SEMA3D: variants seen among roughly 807,000 people sequenced by gnomAD.
The protein encoded by SEMA3D is semaphorin 3D, also known as semaphorin-3D.
Under a neutral mutation model 100.1 loss-of-function variants are expected in SEMA3D, and 84 were observed. The observed-to-expected ratio is 0.84, with a 90% CI of 0.70 to 1.01. SEMA3D has a LOEUF of 1.01. SEMA3D is among the 50% of genes least tolerant of loss of function. The pLI is 0.00. For synonymous variants in SEMA3D, 312 were observed against 320.7 expected, an observed-to-expected ratio of 0.97 and a Z score of 0.29; for missense variants, 875 against 934.1, an observed-to-expected ratio of 0.94 and a Z score of 0.82.
At chr7:85,200,977 C>T in the SEMA3D span, among the ~76,000 whole-genome samples, 1 of 152,208 alleles carries the variant, frequency 6.6e-6, no homozygotes, top group Non-Finnish European at 1.5e-5. Flanking sequence ...AATTTCTCTT[C>T]TCTTTGAATT....
At chr7:85,020,130 G>A in intron 14 of SEMA3D, 103 bp downstream of exon 14, 3 of 717,568 alleles carry the variant, frequency 4.2e-6, no homozygotes, top group Non-Finnish European at 7.2e-6. Flanking sequence ...AATTTCAAAG[G>A]CTTCTTCAGG....
At chr7:85,104,217 T>C (rs1176172857) in intron 3 of SEMA3D, among the ~76,000 whole-genome samples, 1 of 152,016 alleles carries the variant, frequency 6.6e-6, no homozygotes, top group Non-Finnish European at 1.5e-5. Flanking sequence ...GATTACAAGT[T>C]TGACACACTC....
the SEMA3D span, among the ~76,000 whole-genome samples, chr7:85,235,592 G>A: frequency 6.6e-6 from 1 of 152,110 alleles, no homozygotes; most frequent in Admixed American, 6.6e-5. Flanking sequence ...ACCCAGCTAA[G>A]GATTTGGAGC....
chr7:85,139,353 C>T (rs1273460604), intron 2 of SEMA3D, among the ~76,000 whole-genome samples: 1 of 152,064 alleles, frequency 6.6e-6, no homozygotes, highest in African/African-American at 2.4e-5. Context: ...TAGATTTAAA[C>T]AGTACTAAAG....
the SEMA3D span, among the ~76,000 whole-genome samples, chr7:85,204,185 G>T: frequency 6.6e-6 from 1 of 151,948 alleles, no homozygotes; most frequent in Non-Finnish European, 1.5e-5. Flanking sequence ...AGAGACTCTT[G>T]CTCGACCAGA....
chr7:84,997,265 T>C lies in SEMA3D; in HGVS notation c.*2175A>G, dbSNP rs1407426372. ...GCTTCATGTAAATTTTCCAAAGTCA[T>C]TCATATTTTGATCATTACTGTCGGA... On this transcript the variant is annotated 3_prime_UTR_variant, in exon 19 of 19. Transcript: ENST00000284136. 6.6e-6 allele frequency: 1 copy of C among 152,052 alleles called. No homozygotes were observed. Among genetic ancestry groups the C allele is most frequent in the African/African-American group, 2.4e-5 (1 of 41,456 alleles). 9.4% of individuals were successfully genotyped at this position (152,052 alleles called of 1,614,324 possible).
At chr7:85,174,428 G>A (rs1295924635) in intron 1 of SEMA3D, among the ~76,000 whole-genome samples, 2 of 152,084 alleles carry the variant, frequency 1.3e-5, no homozygotes, top group Non-Finnish European at 2.9e-5. Context: ...AGTGACATAA[G>A]CTTTGTGATA....
chr7:85,170,907 TA>T (rs1362830559), intron 1 of SEMA3D, among the ~76,000 whole-genome samples: 1 of 152,014 alleles, frequency 6.6e-6, no homozygotes, highest in African/African-American at 2.4e-5. Context: ...ACTTTTAAAA[TA>T]ACAATGGTGT....
chr7:85,150,375 T>C (rs924166233), intron 2 of SEMA3D, among the ~76,000 whole-genome samples: 1 of 141,058 alleles, frequency 7.1e-6, no homozygotes, highest in African/African-American at 2.6e-5. Context: ...ATATTATATA[T>C]ATATACACAC....
chr7:85,216,816 CTAAA>C, the SEMA3D span, among the ~76,000 whole-genome samples: 3 of 151,694 alleles, frequency 2.0e-5, no homozygotes, highest in African/African-American at 4.8e-5. Flanking sequence ...TTTTCTCATT[CTAAA>C]TAAATATTTA....
At chr7:85,243,589 T>C in the SEMA3D span, among the ~76,000 whole-genome samples, 2 of 152,320 alleles carry the variant, frequency 1.3e-5, no homozygotes. Context: ...ATTTTTTAGT[T>C]TGTTCAGCTT....
intron 15 of SEMA3D, 95 bp from the exon 16 acceptor site, chr7:85,015,311 G>T: frequency 8.7e-7 from 1 of 1,152,628 alleles, no homozygotes; most frequent in Non-Finnish European, 1.3e-6. Context: ...ATATAAATCT[G>T]TTTCTCTGGG....
chr7:85,019,799 T>C (rs965006569), intron 14 of SEMA3D, among the ~76,000 whole-genome samples: 2 of 151,638 alleles, frequency 1.3e-5, no homozygotes, highest in African/African-American at 2.4e-5. Context: ...CTTACTATGA[T>C]GCAACCTATA....
Position 85,129,266 on chromosome 7 carries a change from G to C in SEMA3D, c.-40-7335C>G, listed in dbSNP as rs115687314. On this transcript the variant is annotated intron_variant, in intron 2 of 18. Transcript: ENST00000284136. Reference sequence around the variant, plus strand: ...TATTCTAAGGTAAGATCAATGCAAAGATGCATGAAGAGAAGAGCACAACAC... The same window carrying C: ...TATTCTAAGGTAAGATCAATGCAAACATGCATGAAGAGAAGAGCACAACAC... Among the ~76,000 whole-genome samples the C allele has an allele frequency of 7.6e-3, 1,154 of 152,216 alleles. 19 individuals are homozygous for C. The highest frequency in any genetic ancestry group is 0.027 in the African/African-American group (1,107 of 41,560).
At chr7:85,088,502 A>G (rs1352956982) in intron 4 of SEMA3D, among the ~76,000 whole-genome samples, 2 of 152,174 alleles carry the variant, frequency 1.3e-5, no homozygotes, top group African/African-American at 2.4e-5. Context: ...AAAAAACAGG[A>G]TACAAGTTTT....
chr7:85,069,465 A>C (rs1791713866), intron 6 of SEMA3D, among the ~76,000 whole-genome samples: 1 of 152,178 alleles, frequency 6.6e-6, no homozygotes, highest in Admixed American at 6.5e-5. Flanking sequence ...CAAGAAAGCA[A>C]GTTTCCTTGA....
chr7:85,225,895 A>G, the SEMA3D span, among the ~76,000 whole-genome samples: 1 of 152,204 alleles, frequency 6.6e-6, no homozygotes, highest in Admixed American at 6.5e-5. Context: ...AGGAAAGATT[A>G]TATTACCTTG....
chr7:85,225,024 T>C, the SEMA3D span, among the ~76,000 whole-genome samples: 2 of 138,496 alleles, frequency 1.4e-5, no homozygotes, highest in Admixed American at 7.4e-5. Flanking sequence ...GTTTCCTTTT[T>C]GAGAATCACT....
chr7:85,122,963 G>A (rs767372828), intron 2 of SEMA3D, among the ~76,000 whole-genome samples: 2 of 151,940 alleles, frequency 1.3e-5, no homozygotes, highest in Non-Finnish European at 1.5e-5. Context: ...TCATATTATC[G>A]AGCATTTATA....
Sources: allele counts gnomAD v4.1 joint callset (sites outside exome capture counted in the v4.1 genomes callset), GRCh38; gene constraint gnomAD v4.1.1; transcripts MANE v1.5; gene names NCBI Gene and HGNC (gene_info 2026-07-23, HGNC 2026-07-21).